Variants in INTS8 observed in about 807,000 individuals in gnomAD.
INTS8 encodes protein kaonashi-1.
In INTS8, 47 loss-of-function variants were observed where a neutral mutation model predicts 138.9. The ratio of observed to expected loss-of-function variants is 0.34; its 90% CI spans 0.27 to 0.43. INTS8 has a LOEUF of 0.43. Among genes scored for constraint, INTS8 ranks in the 20% least tolerant of loss-of-function variants. INTS8 has a pLI of 1.00. For missense variants in INTS8, 996 were observed against 1,173.0 expected (o/e 0.85, Z 2.20); for synonymous variants, 392 against 400.9 (o/e 0.98, Z 0.27).
intron 23 of INTS8, among the ~76,000 whole-genome samples, chr8:94,874,843 GT>G (rs1816518372): frequency 6.6e-6 from 1 of 152,072 alleles, no homozygotes; most frequent in South Asian, 2.1e-4. Flanking sequence ...CATTTTTCAG[GT>G]TTTTAAAGAT....
At chr8:94,830,212 A>G (rs1267172215) in intron 5 of INTS8, among the ~76,000 whole-genome samples, 1 of 152,156 alleles carries the variant, frequency 6.6e-6, no homozygotes, top group East Asian at 1.9e-4. Flanking sequence ...TTATTTTTTA[A>G]TTGATCTACA....
At chr8:94,866,230 GT>G in intron 18 of INTS8, 39 bp downstream of exon 18, 2 of 1,037,336 alleles carry the variant, frequency 1.9e-6, no homozygotes, top group Admixed American at 1.9e-5. Context: ...ACTATTGCTG[GT>G]TTTTGTAGAA....
chr8:94,872,373 A>G (rs1419443124), intron 21 of INTS8, among the ~76,000 whole-genome samples: 1 of 152,074 alleles, frequency 6.6e-6, no homozygotes, highest in East Asian at 1.9e-4. Context: ...AGCTGGGATT[A>G]TAGGCACCCA....
At chr8:94,872,064 A>AAT (rs1218210705) in intron 21 of INTS8, 62 bp downstream of exon 21, 5 of 765,494 alleles carry the variant, frequency 6.5e-6, no homozygotes, top group Non-Finnish European at 9.1e-6. Context: ...AGTGAAAGTA[A>AAT]ATATATAACC....
chr8:94,832,988 T>C (rs1433473089), intron 6 of INTS8, among the ~76,000 whole-genome samples: 2 of 152,082 alleles, frequency 1.3e-5, no homozygotes, highest in Non-Finnish European at 2.9e-5. Context: ...TTATGTCTTC[T>C]TTTTCCCTAC....
chr8:94,825,902 T>G (rs755815357), intron 2 of INTS8, among the ~76,000 whole-genome samples: 38 of 152,144 alleles, frequency 2.5e-4, no homozygotes, highest in Non-Finnish European at 2.1e-4. Context: ...GATCATACCC[T>G]ATATACTGTT....
chr8:94,853,299 G>A lies in INTS8; in HGVS notation c.1642-506G>A, dbSNP rs550932941. Among the ~76,000 whole-genome samples, 3 of 152,204 alleles carry A rather than the reference G, an allele frequency of 2.0e-5. No individual in the cohort carries two copies. In the South Asian group the frequency reaches 6.2e-4, roughly 32 times the overall value. ...TGCACTCCAGCCTGGGTGACGGAGC[G>A]AGACTCTATCTCAAAAATCAAGAAC... is the stretch of plus-strand genomic sequence containing the variant. On this transcript the variant is annotated intron_variant, in intron 13 of 26. Coordinates refer to ENST00000523731, the MANE Select transcript of INTS8 (RefSeq NM_017864.4).
Position 94,856,761 on chromosome 8 carries a change from C to G in INTS8, c.1753-16C>G, listed in dbSNP as rs753699962. On this transcript the variant is annotated splice_polypyrimidine_tract_variant and intron_variant, in intron 14 of 26. Transcript: ENST00000523731. ...CAAAGGAAAGGTGACCCAGGCTATTCTTTTTCTTTTCATAGGACTTTTCCC... is the reference window on the plus strand; with the variant it reads ...CAAAGGAAAGGTGACCCAGGCTATTGTTTTTCTTTTCATAGGACTTTTCCC... 5 of 1,612,466 alleles carry G rather than the reference C, an allele frequency of 3.1e-6. No individual in the cohort carries two copies. In the East Asian group the frequency reaches 8.9e-5, roughly 29 times the overall value.
intron 2 of INTS8, among the ~76,000 whole-genome samples, chr8:94,825,880 G>T (rs1814481472): frequency 6.6e-6 from 1 of 151,908 alleles, no homozygotes; most frequent in Non-Finnish European, 1.5e-5. Flanking sequence ...TTCTCCATAG[G>T]CTTAAAGTTG....
intron 16 of INTS8, among the ~76,000 whole-genome samples, chr8:94,861,322 C>T (rs1304139954): frequency 8.6e-6 from 1 of 116,528 alleles, no homozygotes; most frequent in East Asian, 3.0e-4. Flanking sequence ...AGTGCAGTGG[C>T]GCGATCTCGG....
intron 16 of INTS8, among the ~76,000 whole-genome samples, chr8:94,865,059 C>T (rs1330037792): frequency 1.3e-5 from 2 of 151,578 alleles, no homozygotes; most frequent in African/African-American, 4.9e-5. Flanking sequence ...TGTATTTGCA[C>T]GTGGGAGAGA....
chr8:94,880,850 C>T lies in INTS8; in HGVS notation c.*616C>T. 2.5e-6 allele frequency: 1 copy of T among 398,574 alleles called. No homozygotes were observed. Among genetic ancestry groups the T allele is most frequent in the South Asian group, 1.3e-4 (1 of 7,844 alleles). The allele number at this position is 398,574 out of a possible 1,614,324, so 24.7% of individuals were successfully genotyped here. ...TTTGAAAGGGTACTTAAGTTTTTCA[C>T]CCAAATTGTGATATACAAAAAGGTT... On this transcript the variant is annotated 3_prime_UTR_variant, in exon 27 of 27. Transcript: ENST00000523731.
chr8:94,848,435 CT>C (rs997999298), intron 10 of INTS8, among the ~76,000 whole-genome samples: 1 of 151,074 alleles, frequency 6.6e-6, no homozygotes, highest in South Asian at 2.1e-4. Context: ...ACTTCACTTC[CT>C]TTTTTCACTC....
intron 16 of INTS8, among the ~76,000 whole-genome samples, chr8:94,861,354 C>T (rs1262251866): frequency 1.3e-5 from 2 of 148,486 alleles, no homozygotes; most frequent in South Asian, 2.1e-4. Context: ...CTCCGCCTCC[C>T]GGGTTCACGC....
At chr8:94,862,964 T>C (rs1326584419) in intron 16 of INTS8, among the ~76,000 whole-genome samples, 2 of 152,202 alleles carry the variant, frequency 1.3e-5, no homozygotes, top group Non-Finnish European at 1.5e-5. Context: ...TTCTGTTACA[T>C]AGGAACATAT....
chr8:94,826,210 T>TAAA (rs1359532596), intron 2 of INTS8, among the ~76,000 whole-genome samples: 4 of 152,108 alleles, frequency 2.6e-5, no homozygotes, highest in Non-Finnish European at 4.4e-5. Flanking sequence ...AGAGTTTATA[T>TAAA]TCTCACCAGT....
intron 10 of INTS8, among the ~76,000 whole-genome samples, chr8:94,846,136 T>G (rs1196663884): frequency 2.0e-5 from 3 of 152,224 alleles, no homozygotes; most frequent in Admixed American, 6.5e-5. Flanking sequence ...ATAATTTAAC[T>G]TTCTAATAAT....
At chr8:94,862,292 A>G (rs935786055) in intron 16 of INTS8, among the ~76,000 whole-genome samples, 3 of 152,188 alleles carry the variant, frequency 2.0e-5, no homozygotes, top group Admixed American at 2.0e-4. Flanking sequence ...AGTTCTTAAT[A>G]TATTGGGCAC....
chr8:94,840,350 T>A (rs927773078), intron 8 of INTS8, among the ~76,000 whole-genome samples: 1 of 152,172 alleles, frequency 6.6e-6, no homozygotes, highest in East Asian at 1.9e-4. Flanking sequence ...AGTGGCTGAT[T>A]AGTTTAATTT....
Sources: allele counts gnomAD v4.1 joint callset (sites outside exome capture counted in the v4.1 genomes callset), GRCh38; gene constraint gnomAD v4.1.1; transcripts MANE v1.5; gene names NCBI Gene and HGNC (gene_info 2026-07-23, HGNC 2026-07-21).